MCF2L: variants seen among roughly 807,000 people sequenced by gnomAD.
MCF2L encodes MCF.2 cell line derived transforming sequence like.
A neutral mutation model predicts 153.4 loss-of-function variants in MCF2L; 97 were observed. The ratio of observed to expected loss-of-function variants is 0.63; its 90% CI spans 0.54 to 0.75. The LOEUF is 0.75. MCF2L is among the 30% of genes least tolerant of loss of function. The probability of loss-of-function intolerance (pLI) is 0.00; values close to 1 mark genes in which losing one functional copy is unlikely to be tolerated. For missense variants in MCF2L, 1,347 were observed against 1,495.2 expected (o/e 0.90, Z 1.64); for synonymous variants, 659 against 632.2 (o/e 1.04, Z -0.64).
intron 2 of MCF2L, among the ~76,000 whole-genome samples, chr13:112,906,768 G>A (rs75898026): frequency 0.15 from 22,469 of 152,190 alleles, 2,079 homozygotes; most frequent in Middle Eastern, 0.24. Flanking sequence ...GCGCAGCAGA[G>A]GTGAGGTGCC....
intron 3 of MCF2L, among the ~76,000 whole-genome samples, chr13:113,029,035 C>T (rs899716929): frequency 7.2e-5 from 11 of 151,988 alleles, no homozygotes; most frequent in Admixed American, 1.3e-4. Flanking sequence ...ATTCTACCCA[C>T]GTTTCCTTTC....
intron 4 of MCF2L, among the ~76,000 whole-genome samples, chr13:113,051,392 G>T (rs2087313147): frequency 6.6e-6 from 1 of 152,162 alleles, no homozygotes; most frequent in Admixed American, 6.5e-5. Flanking sequence ...ATATTGCAGG[G>T]GGAGGCAGCC....
chr13:113,010,933 G>A (rs921493114), intron 1 of MCF2L, among the ~76,000 whole-genome samples: 1 of 152,172 alleles, frequency 6.6e-6, no homozygotes, highest in Non-Finnish European at 1.5e-5. Flanking sequence ...TTGTTCCTCC[G>A]TGCGCTTCTT....
chr13:112,934,024 G>A (rs765720875), intron 2 of MCF2L, among the ~76,000 whole-genome samples: 3 of 152,224 alleles, frequency 2.0e-5, no homozygotes, highest in Non-Finnish European at 2.9e-5. Context: ...ACTTCATCCA[G>A]CCTTTTGCCC....
At chr13:112,968,675 G>T (rs1042921045), upstream of MCF2L, 1 of 1,490,318 alleles carries the variant, frequency 6.7e-7, no homozygotes, top group Non-Finnish European at 8.9e-7. Context: ...GGGCTGCTGC[G>T]GCCTCTGCAG....
rs1430898947 is a variant in MCF2L at position 112,943,630 on chromosome 13, G to T, written c.169+41259G>T. On this transcript the variant is annotated intron_variant, in intron 2 of 29. Coordinates refer to the MCF2L transcript ENST00000375608. This position sits in a 1 kb window ranked among gnomAD's most constrained non-coding sequence, Gnocchi z 4.2. ...CAGGCGCAGAGGAGGCGCGGGGGGC[G>T]GGACCTGCCGGCCAGTCCCTTACCC... Among the ~76,000 whole-genome samples the T allele has an allele frequency of 6.6e-6, 1 of 152,184 alleles. No homozygotes were observed. Among genetic ancestry groups the T allele is most frequent in the Admixed American group, 6.5e-5 (1 of 15,292 alleles).
At chr13:113,091,689 C>T (rs879716265) in intron 26 of MCF2L, among the ~76,000 whole-genome samples, 20 of 152,014 alleles carry the variant, frequency 1.3e-4, no homozygotes, top group Admixed American at 9.8e-4. Context: ...CCTCCTTTCC[C>T]GGGCCGACGA....
chr13:112,911,937 C>T (rs1043898475), intron 2 of MCF2L, among the ~76,000 whole-genome samples: 2 of 152,316 alleles, frequency 1.3e-5, no homozygotes, highest in Non-Finnish European at 1.5e-5. Flanking sequence ...GGCTAGGTGG[C>T]CAATCCGCCA....
chr13:113,082,624 G>A, intron 17 of MCF2L, 82 bp downstream of exon 17: 2 of 1,063,320 alleles, frequency 1.9e-6, no homozygotes, highest in Non-Finnish European at 2.8e-6. Context: ...TGGAATGGGG[G>A]TGGAGGCCAG....
chr13:112,917,230 C>T (rs1233849786), intron 2 of MCF2L: 2 of 468,042 alleles, frequency 4.3e-6, no homozygotes, highest in Admixed American at 2.4e-5. Context: ...TCCGCAGAGC[C>T]TCCACCCGCA....
intron 4 of MCF2L, among the ~76,000 whole-genome samples, chr13:113,058,805 C>A (rs1427151063): frequency 4.9e-5 from 7 of 142,816 alleles, no homozygotes; most frequent in Non-Finnish European, 9.0e-5. Flanking sequence ...TATTTGGGCA[C>A]TGAGTGGGCG....
At chr13:112,973,993 G>T (rs9577406) in intron 1 of MCF2L, among the ~76,000 whole-genome samples, 3 of 152,080 alleles carry the variant, frequency 2.0e-5, no homozygotes, top group Admixed American at 1.3e-4. Context: ...CTTCAAAGCC[G>T]CTCCTGACTC....
At chr13:113,061,026 T>A (rs1566823798) in intron 5 of MCF2L, among the ~76,000 whole-genome samples, 1 of 151,326 alleles carries the variant, frequency 6.6e-6, no homozygotes, top group Non-Finnish European at 1.5e-5. Flanking sequence ...ACTACAGAAC[T>A]TGAGACCCTA....
rs372867421 is a variant in MCF2L at position 112,904,730 on chromosome 13, C to T, written c.169+2359C>T. Among the ~76,000 whole-genome samples, 404 of 152,316 alleles carry T rather than the reference C, an allele frequency of 2.7e-3. 3 individuals carry two copies. Among genetic ancestry groups the T allele is most frequent in the African/African-American group, 9.4e-3 (389 of 41,566 alleles). On this transcript the variant is annotated intron_variant, in intron 2 of 29. Transcript: ENST00000375608. The surrounding 1 kb of genome is among the most constrained non-coding windows in gnomAD (Gnocchi z 4.2). Reference sequence around the variant, plus strand: ...CTCGTCTGCTCTGTGGAAAGAGAAGCGCACGGCGTGGACTGCGGCCTGCGG... The same window carrying T: ...CTCGTCTGCTCTGTGGAAAGAGAAGTGCACGGCGTGGACTGCGGCCTGCGG...
intron 1 of MCF2L, among the ~76,000 whole-genome samples, chr13:113,012,134 G>T (rs1211945573): frequency 1.9e-5 from 2 of 106,460 alleles, no homozygotes; most frequent in African/African-American, 3.3e-5. Flanking sequence ...ACGGTGGACA[G>T]GCAGTGTGGA....
chr13:113,008,648 G>A (rs2083868795), intron 1 of MCF2L: 1 of 152,194 alleles, frequency 6.6e-6, no homozygotes, highest in Non-Finnish European at 1.5e-5. Context: ...CAAGTTGAGA[G>A]CAAGAACAAC....
At chr13:112,997,007 C>T (rs2083165104) in intron 1 of MCF2L, among the ~76,000 whole-genome samples, 1 of 152,212 alleles carries the variant, frequency 6.6e-6, no homozygotes, top group East Asian at 1.9e-4. Context: ...GGAGCTGGGC[C>T]TAGGCGGGTG....
At chr13:112,958,977 G>A (rs918128298) in intron 2 of MCF2L, among the ~76,000 whole-genome samples, 3 of 152,210 alleles carry the variant, frequency 2.0e-5, no homozygotes, top group Admixed American at 6.5e-5. Flanking sequence ...CCGGGGTCCT[G>A]CAGGAAAAGC....
chr13:113,047,354 C>A (rs561484644), intron 4 of MCF2L: 7 of 152,324 alleles, frequency 4.6e-5, no homozygotes, highest in Admixed American at 2.6e-4. Flanking sequence ...GCCATGTGTG[C>A]CTTTCATTAT....
Sources: allele counts gnomAD v4.1 joint callset (sites outside exome capture counted in the v4.1 genomes callset), GRCh38; gene constraint gnomAD v4.1.1; non-coding constraint Gnocchi (gnomAD v3.1); transcripts MANE v1.5; gene names NCBI Gene and HGNC (gene_info 2026-07-23, HGNC 2026-07-21).